The following PTPN5 variants were observed in gnomAD, a reference collection of about 807,000 sequenced individuals.
PTPN5 encodes tyrosine-protein phosphatase non-receptor type 5.
PTPN5 carries 29 observed loss-of-function variants against 73.9 expected under a neutral mutation model. The ratio of observed to expected loss-of-function variants is 0.39; its 90% CI spans 0.29 to 0.54. The LOEUF (loss-of-function observed/expected upper bound fraction) is 0.54. Among genes scored for constraint, PTPN5 ranks in the 20% least tolerant of loss-of-function variants. The probability of loss-of-function intolerance (pLI) is 0.65; values close to 1 mark genes in which losing one functional copy is unlikely to be tolerated. For synonymous variants in PTPN5, 267 were observed against 304.7 expected (o/e 0.88, Z 1.29); for missense variants, 652 against 751.4 (o/e 0.87, Z 1.55).
intron 9 of PTPN5, among the ~76,000 whole-genome samples, chr11:18,735,631 C>T (rs1849078879): frequency 6.6e-6 from 1 of 151,974 alleles, no homozygotes; most frequent in Non-Finnish European, 1.5e-5. Flanking sequence ...GCCTGGCCAA[C>T]ACAGTCAAAC....
intron 12 of PTPN5, chr11:18,730,209 G>A (rs879804881): frequency 2.0e-5 from 8 of 402,182 alleles, no homozygotes; most frequent in Non-Finnish European, 3.1e-5. Context: ...GCTGTGCCTC[G>A]CCTGCGCCTG....
chr11:18,754,816 G>A (rs1218681277), intron 3 of PTPN5, among the ~76,000 whole-genome samples: 1 of 152,158 alleles, frequency 6.6e-6, no homozygotes, highest in Non-Finnish European at 1.5e-5. Context: ...TTTACCTCGT[G>A]CATCGTTTTG....
At chr11:18,770,156 A>T (rs908615542) in intron 2 of PTPN5, among the ~76,000 whole-genome samples, 10 of 152,262 alleles carry the variant, frequency 6.6e-5, no homozygotes, top group Admixed American at 3.3e-4. Flanking sequence ...ATAGCATAAA[A>T]TTCAACATTT....
intron 3 of PTPN5, among the ~76,000 whole-genome samples, chr11:18,748,768 G>C (rs570536428): frequency 1.1e-4 from 16 of 152,116 alleles, no homozygotes; most frequent in Non-Finnish European, 2.4e-4. Flanking sequence ...CATTTATTAA[G>C]CGCCGATTAT....
At chr11:18,782,227 A>G (rs1851466863) in intron 1 of PTPN5, among the ~76,000 whole-genome samples, 1 of 151,176 alleles carries the variant, frequency 6.6e-6, no homozygotes, top group African/African-American at 2.4e-5. Context: ...CTCAAAAACT[A>G]TGTCTTTTTT....
chr11:18,743,264 G>T, intron 5 of PTPN5, 58 bp downstream of exon 5: 1 of 1,510,196 alleles, frequency 6.6e-7, no homozygotes, highest in Non-Finnish European at 9.2e-7. Flanking sequence ...TGGGGAGGGT[G>T]GGACTAGAGG....
At chr11:18,747,611 G>A (rs1006097470) in intron 3 of PTPN5, among the ~76,000 whole-genome samples, 6 of 152,234 alleles carry the variant, frequency 3.9e-5, no homozygotes, top group African/African-American at 4.8e-5. Flanking sequence ...TGCCCTCAGG[G>A]ATACATGCAC....
intron 1 of PTPN5, among the ~76,000 whole-genome samples, chr11:18,788,976 G>C (rs1227955748): frequency 6.6e-6 from 1 of 152,190 alleles, no homozygotes; most frequent in Non-Finnish European, 1.5e-5. Context: ...CGTACAAAAG[G>C]TTGAATAAAC....
At chr11:18,781,080 G>A (rs897144998) in intron 1 of PTPN5, among the ~76,000 whole-genome samples, 40 of 152,064 alleles carry the variant, frequency 2.6e-4, no homozygotes, top group African/African-American at 9.7e-4. Flanking sequence ...AGACCTCTTT[G>A]AAAACCTTTG....
In PTPN5 at chr11:18,744,215, CATGCGGGCCG is replaced by C. The variant is rs776100973; in HGVS notation, c.98-26_98-17del. On this transcript the variant is annotated splice_polypyrimidine_tract_variant and intron_variant, in intron 3 of 14. Coordinates refer to ENST00000358540, the MANE Select transcript of PTPN5 (RefSeq NM_006906.2). ...TGGGGGAGACCTGTGGAAGATGGGC[CATGCGGGCCG>C]ATGACTCCGGCCCTGTCCACAGGCA... 6 of 1,512,824 alleles carry C rather than the reference CATGCGGGCCG, an allele frequency of 4.0e-6. No homozygotes were observed. The African/African-American group carries it at 7.2e-5, about 18-fold the overall frequency. 93.7% of individuals were successfully genotyped at this position (1,512,824 alleles called of 1,614,324 possible). A position where few individuals can be genotyped will look rare whatever the true frequency, so the allele number is the denominator to read the frequency against.
At chr11:18,749,796 C>T (rs542463839) in intron 3 of PTPN5, among the ~76,000 whole-genome samples, 1 of 152,326 alleles carries the variant, frequency 6.6e-6, no homozygotes, top group African/African-American at 2.4e-5. Flanking sequence ...GCCGCCTGAG[C>T]TCCAGAACTG....
At chr11:18,783,967 T>C (rs527935743) in intron 1 of PTPN5, among the ~76,000 whole-genome samples, 28 of 152,334 alleles carry the variant, frequency 1.8e-4, no homozygotes, top group African/African-American at 6.5e-4. Flanking sequence ...TTCTCTCTTC[T>C]CTGTTACCTC....
At chr11:18,790,391 G>A (rs1851862344) in intron 1 of PTPN5, among the ~76,000 whole-genome samples, 1 of 152,140 alleles carries the variant, frequency 6.6e-6, no homozygotes, top group Admixed American at 6.5e-5. Context: ...TGGAGAAGAG[G>A]ACGAATCCTG....
At chr11:18,740,814 G>T (rs749945481) in intron 7 of PTPN5, 22 bp from the exon 8 acceptor site, 1 of 1,464,456 alleles carries the variant, frequency 6.8e-7, no homozygotes, top group Non-Finnish European at 9.1e-7. Flanking sequence ...AGGAAAGGGA[G>T]TGTGAGCCTC....
chr11:18,753,063 G>T (rs1849964301), intron 3 of PTPN5, among the ~76,000 whole-genome samples: 1 of 152,222 alleles, frequency 6.6e-6, no homozygotes, highest in Non-Finnish European at 1.5e-5. Flanking sequence ...AAGGCTTGAG[G>T]CCCCATGGCA....
rs959154114 is a variant in PTPN5 at position 18,729,940 on chromosome 11, C to G, written c.1330-122G>C. ...CAGGAAGAACACTGAGAGTGGGACC[C>G]CTTCACCCTTCCATCTAGGCCACAT... is the stretch of plus-strand genomic sequence containing the variant. On this transcript the variant is annotated intron_variant, in intron 12 of 14. Transcript: ENST00000358540. The surrounding 1 kb of genome is among the most constrained non-coding windows in gnomAD (Gnocchi z 5.2). The G allele has an allele frequency of 6.9e-6, 9 of 1,296,134 alleles. No homozygotes were observed. Among genetic ancestry groups the G allele is most frequent in the Admixed American group, 3.8e-5 (2 of 52,408 alleles). The allele number at this position is 1,296,134 out of a possible 1,614,324, so 80.3% of individuals were successfully genotyped here. A position where few individuals can be genotyped will look rare whatever the true frequency, so the allele number is the denominator to read the frequency against.
At chr11:18,785,951 G>C (rs1851647482) in intron 1 of PTPN5, among the ~76,000 whole-genome samples, 1 of 152,192 alleles carries the variant, frequency 6.6e-6, no homozygotes, top group South Asian at 2.1e-4. Flanking sequence ...CATCTGGTGT[G>C]AGGGGATCCC....
rs1848723859 is a variant in PTPN5 at position 18,728,473 on chromosome 11, C to CA, written c.*460_*461insT. On this transcript the variant is annotated 3_prime_UTR_variant, in exon 15 of 15. Transcript: ENST00000358540. This position sits in a 1 kb window ranked among gnomAD's most constrained non-coding sequence, Gnocchi z 4.1. Reference sequence around the variant, plus strand: ...CGTCATCTGCCTTTTGGGAGAAGTGCGGGTGAGGCCGAGGCAGGCAAGTCC... The same window carrying CA: ...CGTCATCTGCCTTTTGGGAGAAGTGCAGGGTGAGGCCGAGGCAGGCAAGTCC... 1 of 154,540 alleles carries CA rather than the reference C, an allele frequency of 6.5e-6. No individual in the cohort carries two copies. Among genetic ancestry groups the CA allele is most frequent in the African/African-American group, 2.4e-5 (1 of 41,492 alleles). 9.6% of individuals were successfully genotyped at this position (154,540 alleles called of 1,614,324 possible).
chr11:18,785,657 C>G (rs760990803), intron 1 of PTPN5, among the ~76,000 whole-genome samples: 11 of 152,142 alleles, frequency 7.2e-5, no homozygotes, highest in Non-Finnish European at 1.0e-4. Context: ...ATGCTGCCAC[C>G]ATTGAGGCCC....
Sources: allele counts gnomAD v4.1 joint callset (sites outside exome capture counted in the v4.1 genomes callset), GRCh38; gene constraint gnomAD v4.1.1; non-coding constraint Gnocchi (gnomAD v3.1); transcripts MANE v1.5; gene names NCBI Gene and HGNC (gene_info 2026-07-23, HGNC 2026-07-21).